The following TJP1 variants were observed in gnomAD, a reference collection of about 807,000 sequenced individuals.
TJP1 encodes tight junction protein ZO-1.
TJP1 carries 43 observed loss-of-function variants against 194.2 expected under a neutral mutation model. The observed-to-expected ratio is 0.22, with a 90% confidence interval of 0.17 to 0.29. The LOEUF is 0.29. Ranked by LOEUF, TJP1 falls within the 10% of genes least tolerant of loss-of-function variation. The probability of loss-of-function intolerance (pLI) is 1.00; values close to 1 mark genes in which losing one functional copy is unlikely to be tolerated. For missense variants in TJP1, 1,971 were observed against 2,185.7 expected (o/e 0.90, Z 1.96); for synonymous variants, 801 against 779.0 (o/e 1.03, Z -0.47).
At position 29,742,737 on chromosome 15, in the gene TJP1, A is replaced by T; in HGVS notation, c.1055T>A (p.Val352Asp). ...ATCAGCATGCTTTACAGGAGTTGAG[A>T]CAGCCCCAGGTTTAGAAATTCTCTC... is the stretch of plus-strand genomic sequence containing the variant. ...DEERISKPGA[V>D]STPVKHADDH... The change falls in exon 9 of 28, where the codon GTC (valine) becomes GAC (aspartate). Residue 352 changes from valine (V) to aspartate (D), a missense_variant. Transcript: ENST00000614355. The T allele has an allele frequency of 6.2e-7, 1 of 1,606,558 alleles. No homozygotes were observed. Among genetic ancestry groups the T allele is most frequent in the Non-Finnish European group, 8.5e-7 (1 of 1,177,030 alleles).
intron 2 of TJP1, among the ~76,000 whole-genome samples, chr15:29,884,673 C>T (rs1413575028): frequency 6.6e-6 from 1 of 152,108 alleles, no homozygotes; most frequent in Non-Finnish European, 1.5e-5. Flanking sequence ...TCTTTTATTC[C>T]ACAAACCTTC....
At chr15:29,802,193 G>C (rs1413460298) in intron 1 of TJP1, among the ~76,000 whole-genome samples, 2 of 152,144 alleles carry the variant, frequency 1.3e-5, no homozygotes, top group Admixed American at 1.3e-4. Context: ...GGCTAAGCAT[G>C]ACACTCTCAG....
chr15:29,831,521 C>T (rs2050835527), intron 2 of TJP1, among the ~76,000 whole-genome samples: 1 of 152,152 alleles, frequency 6.6e-6, no homozygotes, highest in South Asian at 2.1e-4. Flanking sequence ...CAAAGGCAAG[C>T]TTTACAGACG....
chr15:29,862,779 C>T (rs2052135592), intron 2 of TJP1, among the ~76,000 whole-genome samples: 1 of 150,984 alleles, frequency 6.6e-6, no homozygotes, highest in African/African-American at 2.4e-5. Context: ...TCCCGTGTAG[C>T]TGGGACTACA....
At position 29,822,270 on chromosome 15, in the gene TJP1, G is replaced by A; in HGVS notation, c.-242C>T. The A allele has an allele frequency of 8.6e-7, 1 of 1,157,696 alleles. No homozygotes were observed. The highest frequency in any genetic ancestry group is 3.8e-5 in the East Asian group (1 of 26,088). The allele number at this position is 1,157,696 out of a possible 1,614,324, so 71.7% of individuals were successfully genotyped here. On this transcript the variant is annotated 5_prime_UTR_variant, in exon 1 of 28. Transcript: ENST00000614355. ...GCCCGACCGGCACCTCCCTCCGAGCGCGGCCACCCACTCGGCCTCCCGCAG... is the reference window on the plus strand; with the variant it reads ...GCCCGACCGGCACCTCCCTCCGAGCACGGCCACCCACTCGGCCTCCCGCAG...
rs145798029 is a variant in TJP1, at chr15:29,944,071, A to AATTT, written c.306+12157_306+12160dup. On this transcript the variant is annotated intron_variant, in intron 2 of 28. Coordinates refer to the TJP1 transcript ENST00000356107. ...GTTAGAAAACAGGTACTTGACTTTAAATTTATTTATTTATTTATTTATTTA... is the reference window on the plus strand; with the variant it reads ...GTTAGAAAACAGGTACTTGACTTTAAATTTATTTATTTATTTATTTATTTATTTA... 2.2e-3 allele frequency among the ~76,000 whole-genome samples: 338 copies of AATTT among 151,468 alleles called. 2 individuals are homozygous for AATTT. The highest frequency in any genetic ancestry group is 4.5e-3 in the East Asian group (23 of 5,150).
At position 29,719,850 on chromosome 15, in the gene TJP1, G is replaced by C. The variant is rs1566890909; in HGVS notation, c.2930C>G (p.Pro977Arg). The C allele has an allele frequency of 6.2e-7, 1 of 1,614,028 alleles. No individual in the cohort carries two copies. Among genetic ancestry groups the C allele is most frequent in the Non-Finnish European group, 8.5e-7 (1 of 1,180,024 alleles). ...YSPQADSLRT[P>R]STEAAHIMLR... ...CATTATGTGAGCTGCCTCAGTACTT[G>C]GTGTTCTTAAAGAATCAGCTTGTGG... Residue 977 changes from proline (P) to arginine (R), a missense_variant, in exon 20 of 28, where the codon CCA becomes CGA. Coordinates refer to ENST00000614355, the MANE Select transcript of TJP1 (RefSeq NM_001330239.4).
At chr15:29,888,538 C>G (rs111321070) in intron 2 of TJP1, among the ~76,000 whole-genome samples, 2 of 152,174 alleles carry the variant, frequency 1.3e-5, no homozygotes, top group African/African-American at 2.4e-5. Flanking sequence ...AAAAGAAACA[C>G]TTGGTTAATG....
At chr15:29,941,826 G>A (rs527965544) in intron 2 of TJP1, among the ~76,000 whole-genome samples, 5 of 152,212 alleles carry the variant, frequency 3.3e-5, no homozygotes, top group Middle Eastern at 3.4e-3. Flanking sequence ...GCGTGCATGC[G>A]TGTATGTGTT....
At chr15:29,702,738 G>T (rs750636763) in intron 27 of TJP1, among the ~76,000 whole-genome samples, 1 of 152,104 alleles carries the variant, frequency 6.6e-6, no homozygotes, top group East Asian at 1.9e-4. Flanking sequence ...CCAGAAAATG[G>T]GGTACTTGTA....
At chr15:29,779,979 G>A (rs114438927) in intron 2 of TJP1, among the ~76,000 whole-genome samples, 3,488 of 147,216 alleles carry the variant, frequency 0.024, 46 homozygotes, top group South Asian at 0.053. Context: ...AATCCTCCCC[G>A]CCACCTCCCG....
At chr15:29,931,754 G>C (rs1373347856) in intron 2 of TJP1, among the ~76,000 whole-genome samples, 1 of 152,170 alleles carries the variant, frequency 6.6e-6, no homozygotes. Context: ...ATTCAGGTGA[G>C]TCCGTAAAGT....
At chr15:29,877,063 T>C (rs1242932756) in intron 2 of TJP1, among the ~76,000 whole-genome samples, 1 of 152,252 alleles carries the variant, frequency 6.6e-6, no homozygotes, top group East Asian at 1.9e-4. Context: ...ATTGCTTCTC[T>C]GATAGGGCAG....
intron 8 of TJP1, among the ~76,000 whole-genome samples, chr15:29,753,043 C>T (rs970267024): frequency 6.6e-6 from 1 of 152,164 alleles, no homozygotes; most frequent in African/African-American, 2.4e-5. Flanking sequence ...TTAATATTGT[C>T]CCCTCCTGCT....
chr15:29,930,765 G>A (rs528187253), intron 2 of TJP1, among the ~76,000 whole-genome samples: 7 of 152,308 alleles, frequency 4.6e-5, no homozygotes, highest in Admixed American at 2.0e-4. Flanking sequence ...GTAAGGATTG[G>A]AAAGGAAGAG....
intron 2 of TJP1, among the ~76,000 whole-genome samples, chr15:29,953,281 A>T (rs1193329909): frequency 2.0e-5 from 3 of 151,590 alleles, no homozygotes; most frequent in Non-Finnish European, 4.4e-5. Context: ...AGCTGTGATT[A>T]CAGGCACCTG....
intron 2 of TJP1, among the ~76,000 whole-genome samples, chr15:29,784,368 C>T (rs907124806): frequency 3.9e-5 from 6 of 152,124 alleles, no homozygotes; most frequent in South Asian, 2.1e-4. Flanking sequence ...GGCTTGATCT[C>T]GGCTCACTGC....
chr15:29,901,861 CAATT>C (rs2053644686), intron 2 of TJP1, among the ~76,000 whole-genome samples: 1 of 151,142 alleles, frequency 6.6e-6, no homozygotes, highest in African/African-American at 2.4e-5. Flanking sequence ...TAACATTACT[CAATT>C]GATGACATGT....
intron 2 of TJP1, among the ~76,000 whole-genome samples, chr15:29,874,024 T>C (rs2152120724): frequency 6.6e-6 from 1 of 152,268 alleles, no homozygotes; most frequent in East Asian, 1.9e-4. Context: ...CTCTTCCACC[T>C]CCTCCTCCTC....
Sources: gnomAD v4.1 joint callset for allele counts (sites outside exome capture counted in the v4.1 genomes callset) on GRCh38, gnomAD v4.1.1 for gene constraint, MANE v1.5 for transcripts, NCBI Gene and HGNC (gene_info 2026-07-23, HGNC 2026-07-21) for gene names.